The following PCDHA8 variants were observed in gnomAD, a reference collection of about 807,000 sequenced individuals.
The protein encoded by PCDHA8 is protocadherin alpha 8, also known as protocadherin alpha-8.
A neutral mutation model predicts 61.8 loss-of-function variants in PCDHA8; 53 were observed. The observed-to-expected ratio is 0.86, with a 90% CI of 0.69 to 1.08. The LOEUF is 1.08. Among genes scored for constraint, PCDHA8 ranks in the 50% least tolerant of loss-of-function variants. The pLI, the probability that PCDHA8 is intolerant of heterozygous loss-of-function variation, is 0.00. For synonymous variants in PCDHA8, 618 were observed against 556.6 expected (o/e 1.11, Z -1.55); for missense variants, 1,293 against 1,245.0 (o/e 1.04, Z -0.58).
chr5:140,885,160 CTTTT>C (rs370486132), intron 1 of PCDHA8, among the ~76,000 whole-genome samples: 314 of 152,080 alleles, frequency 2.1e-3, no homozygotes, highest in African/African-American at 7.4e-3. Context: ...ATTGTCTCTA[CTTTT>C]TTGTCCTCTA....
At chr5:140,852,963 C>T in intron 1 of PCDHA8, 1 of 424,740 alleles carries the variant, frequency 2.4e-6, no homozygotes, top group Non-Finnish European at 3.3e-6. Context: ...ACTCCAAGCT[C>T]CCCCTCCCGT....
chr5:140,884,003 G>A, intron 1 of PCDHA8: 4 of 1,613,086 alleles, frequency 2.5e-6, no homozygotes, highest in African/African-American at 1.3e-5. Flanking sequence ...CACAGTGAGC[G>A]AGCTGATGCC....
chr5:140,986,776 C>G (rs916981139), intron 3 of PCDHA8, among the ~76,000 whole-genome samples: 5 of 152,098 alleles, frequency 3.3e-5, no homozygotes, highest in Non-Finnish European at 7.3e-5. Context: ...AATTAGGTAG[C>G]GGAAGCCACT....
intron 1 of PCDHA8, among the ~76,000 whole-genome samples, chr5:140,901,807 C>T (rs1227752610): frequency 6.6e-6 from 1 of 152,116 alleles, no homozygotes; most frequent in Non-Finnish European, 1.5e-5. Context: ...AACATTTTTA[C>T]AATATTGATT....
intron 1 of PCDHA8, chr5:140,863,338 C>T (rs1297413635): frequency 1.3e-5 from 18 of 1,361,566 alleles, no homozygotes; most frequent in Non-Finnish European, 1.8e-5. Flanking sequence ...GCTCACGTTG[C>T]TGCTGTACAC....
chr5:140,871,002 G>C, intron 1 of PCDHA8: 1 of 1,613,384 alleles, frequency 6.2e-7, no homozygotes, highest in Non-Finnish European at 8.5e-7. Context: ...TAAGCACAAC[G>C]CGTGCCCTGG....
chr5:140,967,361 C>G (rs1323729968), intron 1 of PCDHA8: 9 of 1,607,256 alleles, frequency 5.6e-6, no homozygotes, highest in African/African-American at 1.3e-5. Context: ...GGACCTTAAG[C>G]CCCTGCAGGA....
chr5:140,870,902 C>G (rs2052520790), intron 1 of PCDHA8: 1 of 1,613,846 alleles, frequency 6.2e-7, no homozygotes. Flanking sequence ...GATGCGGACT[C>G]AGGCTACAAC....
At chr5:141,004,705 C>T (rs535016776) in intron 3 of PCDHA8, among the ~76,000 whole-genome samples, 5 of 152,154 alleles carry the variant, frequency 3.3e-5, no homozygotes, top group Admixed American at 6.5e-5. Context: ...TTTTAGGTGC[C>T]GAATCAGAGG....
At chr5:140,975,935 C>A (rs1351802479) in intron 1 of PCDHA8, among the ~76,000 whole-genome samples, 1 of 152,060 alleles carries the variant, frequency 6.6e-6, no homozygotes, top group Non-Finnish European at 1.5e-5. Flanking sequence ...ACCTTTGAAG[C>A]AATAGGACAT....
chr5:140,965,748 C>T (rs1010303564), intron 1 of PCDHA8, among the ~76,000 whole-genome samples: 1 of 152,174 alleles, frequency 6.6e-6, no homozygotes, highest in Non-Finnish European at 1.5e-5. Flanking sequence ...TCCCCATTGT[C>T]GCCAAAATGG....
intron 1 of PCDHA8, chr5:140,851,060 C>T (rs2041943229): frequency 1.5e-6 from 2 of 1,374,418 alleles, no homozygotes; most frequent in Admixed American, 2.8e-5. Flanking sequence ...GTCTTGACTT[C>T]TAGTGAGAAT....
At chr5:140,932,028 G>A (rs1299372751) in intron 1 of PCDHA8, among the ~76,000 whole-genome samples, 1 of 151,864 alleles carries the variant, frequency 6.6e-6, no homozygotes, top group South Asian at 2.1e-4. Flanking sequence ...TAAGTTTACA[G>A]TATATATTAA....
At chr5:140,862,887 G>A (rs781965401) in intron 1 of PCDHA8, 8 of 562,884 alleles carry the variant, frequency 1.4e-5, no homozygotes, top group Non-Finnish European at 2.7e-5. Flanking sequence ...GTGCTGGAAC[G>A]ACAACTTTGT....
chr5:140,928,824 A>C (rs782336122), intron 1 of PCDHA8: 2 of 1,614,110 alleles, frequency 1.2e-6, no homozygotes, highest in Non-Finnish European at 1.7e-6. Flanking sequence ...ATGGAGACCC[A>C]CCACTTTCCT....
chr5:140,907,272 C>T (rs1164055585), intron 1 of PCDHA8, among the ~76,000 whole-genome samples: 1 of 152,224 alleles, frequency 6.6e-6, no homozygotes, highest in Non-Finnish European at 1.5e-5. Flanking sequence ...GCCATTCCAT[C>T]ATTCTATCAA....
intron 1 of PCDHA8, among the ~76,000 whole-genome samples, chr5:140,874,733 A>G (rs929245096): frequency 6.6e-6 from 1 of 152,244 alleles, no homozygotes; most frequent in Non-Finnish European, 1.5e-5. Context: ...TATCACATTC[A>G]AGCATCAAGG....
intron 1 of PCDHA8, chr5:140,860,372 C>A (rs1315450697): frequency 1.3e-5 from 2 of 151,984 alleles, no homozygotes; most frequent in Non-Finnish European, 2.9e-5. Flanking sequence ...CAAAGTGAGA[C>A]CCTATTTCAA....
chr5:140,843,585 C>A lies in PCDHA8; in HGVS notation c.2264C>A (p.Pro755Gln). 2 of 1,596,014 alleles carry A rather than the reference C, an allele frequency of 1.3e-6. No homozygotes were observed. Among genetic ancestry groups the A allele is most frequent in the East Asian group, 2.2e-5 (1 of 44,824 alleles). ...AGCTGGTCATACTCGCAACAACAGC[C>A]GCAGAGGGTGTGCTCTGGTGAGGGG... ...VGSWSYSQQQ[P>Q]QRVCSGEGPP... The change falls in exon 1 of 4, where the codon CCG becomes CAG. Residue 755 changes from proline to glutamine, a missense_variant. Physicochemically the swap from Pro to Gln is moderately conservative, Grantham distance 76 (BLOSUM62 -1). Coordinates refer to ENST00000531613, the MANE Select transcript of PCDHA8 (RefSeq NM_018911.3).
Sources: allele counts gnomAD v4.1 joint callset (sites outside exome capture counted in the v4.1 genomes callset), GRCh38; gene constraint gnomAD v4.1.1; transcripts MANE v1.5; gene names NCBI Gene and HGNC (gene_info 2026-07-23, HGNC 2026-07-21).